Variants in CAMSAP1 observed in about 807,000 individuals in gnomAD.
The protein encoded by CAMSAP1 is calmodulin regulated spectrin associated protein 1.
CAMSAP1 carries 58 observed loss-of-function variants against 143.5 expected under a neutral mutation model. That is an observed-to-expected ratio of 0.40 (90% CI 0.33 to 0.50). The LOEUF is 0.50. Ranked by LOEUF, CAMSAP1 falls within the 20% of genes least tolerant of loss-of-function variation. The pLI, the probability that CAMSAP1 is intolerant of heterozygous loss-of-function variation, is 0.45. For missense variants in CAMSAP1, 1,969 were observed against 2,115.7 expected (o/e 0.93, Z 1.36); for synonymous variants, 945 against 859.3 (o/e 1.10, Z -1.74).
chr9:135,894,613 C>T (rs1178772135), intron 1 of CAMSAP1, among the ~76,000 whole-genome samples: 1 of 152,138 alleles, frequency 6.6e-6, no homozygotes, highest in African/African-American at 2.4e-5. Context: ...CAAAACAGCA[C>T]CACAAAGGCT....
intron 1 of CAMSAP1, among the ~76,000 whole-genome samples, chr9:135,885,723 A>G (rs1838100088): frequency 1.3e-5 from 2 of 152,282 alleles, no homozygotes; most frequent in Non-Finnish European, 2.9e-5. Context: ...TTTGAATCAT[A>G]TATGAATATG....
At position 135,881,770 on chromosome 9, in the gene CAMSAP1, C is replaced by T. The variant is rs761983405; in HGVS notation, c.448G>A (p.Ala150Thr). The part of the protein sequence containing the change: ...KMSAHMAMVD[A>T]LMMAYTVEMI... ...TCCACAGTGTAGGCCATCATCAGGG[C>T]ATCCACCATTGCCATGTGGGCACTC... The change falls in exon 3 of 17, where the codon GCC becomes ACC. Residue 150 changes from alanine to threonine, a missense_variant. This residue lies in a region of CAMSAP1 where 221 missense variants were observed against 298.2 expected (regional missense o/e 0.74). Transcript: ENST00000389532. 1.3e-6 allele frequency: 2 copies of T among 1,552,022 alleles called. No individual in the cohort carries two copies. Among genetic ancestry groups the T allele is most frequent in the South Asian group, 2.4e-5 (2 of 84,066 alleles).
intron 5 of CAMSAP1, among the ~76,000 whole-genome samples, chr9:135,859,202 C>T (rs1407864612): frequency 2.6e-5 from 4 of 152,216 alleles, no homozygotes; most frequent in East Asian, 1.9e-4. Flanking sequence ...TGGCCTTAAT[C>T]GACTGCACGT....
chr9:135,821,571 G>T lies in CAMSAP1; in HGVS notation c.3090C>A (p.Thr1030=). The T allele has an allele frequency of 1.2e-6, 2 of 1,614,018 alleles. 1 individual carries two copies. Among genetic ancestry groups the T allele is most frequent in the Non-Finnish European group, 1.7e-6 (2 of 1,179,898 alleles). Residue 1030 remains threonine (T), a synonymous_variant, in exon 11 of 17, where the codon ACC becomes ACA. Transcript: ENST00000389532. This position sits in a 1 kb window ranked among gnomAD's most constrained non-coding sequence, Gnocchi z 4.6. The part of the protein sequence containing the change: ...CDLSIEKLNE[T]ISTLQQAILK... ...GGATGGCCTGCTGCAGCGTACTGAT[G>T]GTTTCGTTAAGCTTCTCGATGGAAA... is the stretch of plus-strand genomic sequence containing the variant.
chr9:135,865,399 G>T, intron 4 of CAMSAP1: 1 of 1,549,486 alleles, frequency 6.5e-7, no homozygotes, highest in South Asian at 1.2e-5. Flanking sequence ...GGCAGGAGAG[G>T]AGCATCAGCA....
chr9:135,815,816 C>A, intron 15 of CAMSAP1, 74 bp downstream of exon 15: 4 of 1,186,820 alleles, frequency 3.4e-6, no homozygotes, highest in Non-Finnish European at 4.9e-6. Flanking sequence ...AAATAGAGAA[C>A]AGATATTGAA....
chr9:135,863,723 A>C (rs1363570793), intron 4 of CAMSAP1, among the ~76,000 whole-genome samples: 1 of 152,110 alleles, frequency 6.6e-6, no homozygotes, highest in East Asian at 1.9e-4. Flanking sequence ...TTCAGCACAC[A>C]CTTTAACTTG....
At chr9:135,814,308 G>A (rs1438350342) in intron 16 of CAMSAP1, among the ~76,000 whole-genome samples, 1 of 152,202 alleles carries the variant, frequency 6.6e-6, no homozygotes, top group Non-Finnish European at 1.5e-5. Flanking sequence ...AAGGACCAGG[G>A]GTTAGTCTTA....
In CAMSAP1 at chr9:135,822,726, G is replaced by A; in HGVS notation, c.1935C>T (p.Asp645=). The change falls in exon 11 of 17, where the codon GAC becomes GAT. Residue 645 remains aspartate (D), a synonymous_variant. Coordinates refer to ENST00000389532, the MANE Select transcript of CAMSAP1 (RefSeq NM_015447.4). The surrounding 1 kb of genome is among the most constrained non-coding windows in gnomAD (Gnocchi z 6.1). ...LVRRKMTGSR[D]LNRTFTPIPC... ...GAATCGGGGTAAAAGTCCTATTCAAGTCGCGACTGCCAGTCATTTTCCTTC... is the reference window on the plus strand; with the variant it reads ...GAATCGGGGTAAAAGTCCTATTCAAATCGCGACTGCCAGTCATTTTCCTTC... 6.2e-7 allele frequency: 1 copy of A among 1,612,534 alleles called. No individual in the cohort carries two copies. The highest frequency in any genetic ancestry group is 8.5e-7 in the Non-Finnish European group (1 of 1,179,142).
chr9:135,860,535 T>G (rs1588481478), intron 5 of CAMSAP1, among the ~76,000 whole-genome samples: 1 of 144,236 alleles, frequency 6.9e-6, no homozygotes, highest in Non-Finnish European at 1.5e-5. Context: ...GAAGTGGAGG[T>G]TGCAGTGAGC....
chr9:135,834,304 T>C (rs975914777), intron 7 of CAMSAP1, among the ~76,000 whole-genome samples: 1 of 152,238 alleles, frequency 6.6e-6, no homozygotes, highest in Non-Finnish European at 1.5e-5. Context: ...CTCTTCTGGG[T>C]ATATATCCAA....
intron 5 of CAMSAP1, among the ~76,000 whole-genome samples, chr9:135,852,967 G>T (rs955486535): frequency 3.3e-5 from 5 of 152,196 alleles, no homozygotes; most frequent in African/African-American, 9.7e-5. Context: ...CCATCCACAC[G>T]TGGAGAGACC....
intron 5 of CAMSAP1, among the ~76,000 whole-genome samples, chr9:135,855,534 T>C (rs1407492264): frequency 3.4e-5 from 5 of 147,960 alleles, no homozygotes; most frequent in African/African-American, 1.3e-4. Context: ...AGGTCAGGAG[T>C]TCGAGACCAG....
chr9:135,852,579 C>T (rs143885226), intron 5 of CAMSAP1, among the ~76,000 whole-genome samples: 2 of 152,252 alleles, frequency 1.3e-5, no homozygotes, highest in African/African-American at 4.8e-5. Context: ...GACCAGCCAG[C>T]GCGGCTCCCT....
At position 135,896,619 on chromosome 9, in the gene CAMSAP1, A is replaced by T. The variant is rs1838464457; in HGVS notation, c.160+10381T>A. Among the ~76,000 whole-genome samples the T allele has an allele frequency of 2.0e-5, 3 of 152,378 alleles. No homozygotes were observed. In the South Asian group the frequency reaches 6.2e-4, roughly 32 times the overall value. ...ACTAAAAGAGAACATATCCTAGGCCACAAGACAAACCTTAACAAGTATAAA... is the reference window on the plus strand; with the variant it reads ...ACTAAAAGAGAACATATCCTAGGCCTCAAGACAAACCTTAACAAGTATAAA... On this transcript the variant is annotated intron_variant, in intron 1 of 16. Transcript: ENST00000389532.
At chr9:135,817,072 A>C (rs550837161) in intron 14 of CAMSAP1, among the ~76,000 whole-genome samples, 1 of 152,282 alleles carries the variant, frequency 6.6e-6, no homozygotes, top group South Asian at 2.1e-4. Context: ...AGGATAACTG[A>C]CCTGTGGTTA....
At chr9:135,868,358 T>C (rs1484915376) in intron 3 of CAMSAP1, among the ~76,000 whole-genome samples, 2 of 152,178 alleles carry the variant, frequency 1.3e-5, no homozygotes, top group South Asian at 2.1e-4. Context: ...CCTGTGCACC[T>C]GACTGAGTTA....
chr9:135,856,391 T>C (rs1836973011), intron 5 of CAMSAP1, among the ~76,000 whole-genome samples: 1 of 152,166 alleles, frequency 6.6e-6, no homozygotes, highest in Non-Finnish European at 1.5e-5. Flanking sequence ...AAACTGCCCC[T>C]GTGATTCAAT....
At chr9:135,906,877 G>A (rs1016486065) in intron 1 of CAMSAP1, 123 bp downstream of exon 1, 22 of 542,512 alleles carry the variant, frequency 4.1e-5, no homozygotes, top group Non-Finnish European at 4.7e-5. Context: ...GCCCAGCCCC[G>A]ACCCTGTGCG....
Sources: allele counts gnomAD v4.1 joint callset (sites outside exome capture counted in the v4.1 genomes callset), GRCh38; gene constraint gnomAD v4.1.1; regional missense constraint gnomAD v4.1.1; non-coding constraint Gnocchi (gnomAD v3.1); transcripts MANE v1.5; gene names NCBI Gene and HGNC (gene_info 2026-07-23, HGNC 2026-07-21).